The following USP12 variants were observed in gnomAD, a reference collection of about 807,000 sequenced individuals.
USP12 encodes the protein ubiquitin specific peptidase 12.
In USP12, 19 loss-of-function variants were observed where a neutral mutation model predicts 45.5. The ratio of observed to expected loss-of-function variants is 0.42; its 90% CI spans 0.29 to 0.61. USP12 has a LOEUF of 0.61. USP12 is among the 20% of genes least tolerant of loss of function. The probability of loss-of-function intolerance (pLI) is 0.22; values close to 1 mark genes in which losing one functional copy is unlikely to be tolerated. For synonymous variants in USP12, 149 were observed against 148.8 expected (o/e 1.00, Z -0.01); for missense variants, 242 against 447.7 (o/e 0.54, Z 4.15).
In USP12 at chr13:27,129,180, C is replaced by T. The variant is rs1180790332; in HGVS notation, c.49-12584G>A. ...CACAATAAGAAAGTGACCTGTAGCT[C>T]TTTCCGTGTCACTGAGACAACAGGA... is the stretch of plus-strand genomic sequence containing the variant. On this transcript the variant is annotated intron_variant, in intron 1 of 8. Transcript: ENST00000282344. The surrounding 1 kb of genome is among the most constrained non-coding windows in gnomAD (Gnocchi z 4.0). Among the ~76,000 whole-genome samples, 1 of 152,050 alleles carries T rather than the reference C, an allele frequency of 6.6e-6. No homozygotes were observed. Among genetic ancestry groups the T allele is most frequent in the Non-Finnish European group, 1.5e-5 (1 of 68,036 alleles).
At chr13:27,086,174 TAA>T (rs138475761) in intron 6 of USP12, among the ~76,000 whole-genome samples, 2,646 of 72,146 alleles carry the variant, frequency 0.037, 71 homozygotes, top group Middle Eastern at 0.061. Context: ...TTTGTCTCTT[TAA>T]AAAAAAAAAA....
chr13:27,167,074 C>T (rs1244327207), intron 1 of USP12, among the ~76,000 whole-genome samples: 1 of 152,042 alleles, frequency 6.6e-6, no homozygotes, highest in Admixed American at 6.5e-5. Flanking sequence ...CCAGCCTGAC[C>T]AACATGGAGA....
chr13:27,114,339 G>C (rs989546923), intron 2 of USP12, among the ~76,000 whole-genome samples: 5 of 152,088 alleles, frequency 3.3e-5, no homozygotes, highest in African/African-American at 1.2e-4. Context: ...CAATATAAAA[G>C]GAAAAAAGGC....
At chr13:27,093,304 T>G (rs530529465) in intron 4 of USP12, among the ~76,000 whole-genome samples, 2 of 53,330 alleles carry the variant, frequency 3.8e-5, no homozygotes, top group Non-Finnish European at 9.4e-5. Flanking sequence ...GCCAAAATTA[T>G]ACCCGAAAAA....
intron 1 of USP12, among the ~76,000 whole-genome samples, chr13:27,141,644 C>A (rs1255752991): frequency 6.6e-6 from 1 of 152,038 alleles, no homozygotes; most frequent in Non-Finnish European, 1.5e-5. Context: ...GTCACATGAA[C>A]AAAACAAAAG....
intron 1 of USP12, among the ~76,000 whole-genome samples, chr13:27,141,485 A>G (rs1271718291): frequency 6.6e-6 from 1 of 152,194 alleles, no homozygotes; most frequent in Non-Finnish European, 1.5e-5. Flanking sequence ...GGCTGGAGAA[A>G]GGAAGATACA....
At chr13:27,120,455 C>A (rs539838335) in intron 1 of USP12, among the ~76,000 whole-genome samples, 1 of 152,222 alleles carries the variant, frequency 6.6e-6, no homozygotes, top group South Asian at 2.1e-4. Context: ...GAGTTCGAGA[C>A]CAGCCTGGCC....
At chr13:27,131,851 C>T (rs2137811530) in intron 1 of USP12, among the ~76,000 whole-genome samples, 1 of 152,250 alleles carries the variant, frequency 6.6e-6, no homozygotes, top group East Asian at 1.9e-4. Flanking sequence ...TAATGATTAT[C>T]ATAACTTTAA....
At chr13:27,110,857 G>C (rs1455647561) in intron 2 of USP12, among the ~76,000 whole-genome samples, 2 of 152,068 alleles carry the variant, frequency 1.3e-5, no homozygotes, top group Non-Finnish European at 2.9e-5. Flanking sequence ...TCCATATTTT[G>C]GAATAGGCAA....
chr13:27,171,772 G>A lies in USP12; in HGVS notation c.-133C>T. 1 of 373,756 alleles carries A rather than the reference G, an allele frequency of 2.7e-6. No homozygotes were observed. 23.2% of individuals were successfully genotyped at this position (373,756 alleles called of 1,614,324 possible). Reference sequence around the variant, plus strand: ...CGCGGACCCAACCACCGAGCCCGCTGGGCCGCCGCTGCCGTCGTCGCCGCC... The same window carrying A: ...CGCGGACCCAACCACCGAGCCCGCTAGGCCGCCGCTGCCGTCGTCGCCGCC... On this transcript the variant is annotated 5_prime_UTR_variant, in exon 1 of 9. Coordinates refer to ENST00000282344, the MANE Select transcript of USP12 (RefSeq NM_182488.4).
In USP12 at chr13:27,116,594, G is replaced by A. The variant is rs367930012; in HGVS notation, c.51C>T (p.Gly17=). ...VSKFASICTM[G]ANASALEKEI... Reference sequence around the variant, plus strand: ...CTTTCTCTAATGCCGAAGCATTGGCGCCCTATAAAATGAAAAACAAAAATC... The same window carrying A: ...CTTTCTCTAATGCCGAAGCATTGGCACCCTATAAAATGAAAAACAAAAATC... Residue 17 remains glycine (G), a splice_region_variant and synonymous_variant, in exon 2 of 9, where the codon GGC becomes GGT. Coordinates refer to ENST00000282344, the MANE Select transcript of USP12 (RefSeq NM_182488.4). The A allele has an allele frequency of 1.1e-5, 18 of 1,610,482 alleles. No individual in the cohort carries two copies. Among genetic ancestry groups the A allele is most frequent in the African/African-American group, 1.1e-4 (8 of 74,716 alleles).
intron 1 of USP12, among the ~76,000 whole-genome samples, chr13:27,125,988 C>T (rs1876217165): frequency 6.6e-6 from 1 of 152,258 alleles, no homozygotes; most frequent in Admixed American, 6.5e-5. Context: ...TGGGCGGAGC[C>T]CACCACAGCT....
At chr13:27,131,909 G>A (rs902400691) in intron 1 of USP12, among the ~76,000 whole-genome samples, 1 of 152,008 alleles carries the variant, frequency 6.6e-6, no homozygotes, top group Admixed American at 6.6e-5. Context: ...CTGTGCTTTT[G>A]CAAGAAGAGA....
chr13:27,148,084 G>C (rs373478104), intron 1 of USP12, among the ~76,000 whole-genome samples: 1 of 150,894 alleles, frequency 6.6e-6, no homozygotes, highest in Admixed American at 6.6e-5. Context: ...AGCTGTGACC[G>C]CACTACTGCA....
intron 1 of USP12, among the ~76,000 whole-genome samples, chr13:27,143,640 T>TTGAA (rs1161701083): frequency 2.0e-5 from 3 of 152,174 alleles, no homozygotes; most frequent in African/African-American, 7.2e-5. Context: ...TGGTCTCCAC[T>TTGAA]TGAATCAAAT....
chr13:27,071,265 C>CAG, intron 7 of USP12, 116 bp from the exon 8 acceptor site: 7 of 852,930 alleles, frequency 8.2e-6, no homozygotes, highest in Non-Finnish European at 1.2e-5. Context: ...AAAAGAACTG[C>CAG]TTCTTTTTTA....
At chr13:27,069,470 T>G in intron 8 of USP12, 86 bp from the exon 9 acceptor site, 1 of 975,904 alleles carries the variant, frequency 1.0e-6, no homozygotes, top group Non-Finnish European at 1.6e-6. Flanking sequence ...CAATACCAAG[T>G]ATTTGGTGAA....
chr13:27,076,823 C>A (rs1406525966), intron 6 of USP12, among the ~76,000 whole-genome samples: 1 of 152,100 alleles, frequency 6.6e-6, no homozygotes, highest in Admixed American at 6.5e-5. Context: ...GCTTATTATT[C>A]CTAAATTACT....
chr13:27,101,215 G>T (rs1379831532), intron 3 of USP12, among the ~76,000 whole-genome samples: 1 of 152,146 alleles, frequency 6.6e-6, no homozygotes, highest in Non-Finnish European at 1.5e-5. Context: ...TACTGAATAT[G>T]CCAGAATTTT....
Sources: gnomAD v4.1 joint callset for allele counts (sites outside exome capture counted in the v4.1 genomes callset) on GRCh38, gnomAD v4.1.1 for gene constraint, Gnocchi (gnomAD v3.1) non-coding constraint, MANE v1.5 for transcripts, NCBI Gene and HGNC (gene_info 2026-07-23, HGNC 2026-07-21) for gene names.